The following CXXC5 variants were observed in gnomAD, a reference collection of about 807,000 sequenced individuals.
CXXC5 encodes the protein CXXC-type zinc finger protein 5.
In CXXC5, 2 loss-of-function variants were observed where a neutral mutation model predicts 17.6. The ratio of observed to expected loss-of-function variants is 0.11; its 90% CI spans 0.05 to 0.36. The LOEUF (loss-of-function observed/expected upper bound fraction) is 0.36. Ranked by LOEUF, CXXC5 falls within the 10% of genes least tolerant of loss-of-function variation. The pLI is 1.00. For missense variants in CXXC5, 343 were observed against 458.3 expected (o/e 0.75, Z 2.30); for synonymous variants, 171 against 193.0 (o/e 0.89, Z 0.94).
chr5:139,680,565 T>TAGCAGCAGC lies in CXXC5; in HGVS notation c.47_55dup (p.Ser16_Ser18dup), dbSNP rs761988594. On this transcript the variant is annotated inframe_insertion, in exon 2 of 3. Transcript: ENST00000302517. ...GTGGCTCCCAGGATGCCGGCGGCAG[T>TAGCAGCAGC]AGCAGCAGCAGCACCAATGGCAGCG... 5 of 1,588,262 alleles carry TAGCAGCAGC rather than the reference T, an allele frequency of 3.1e-6. No individual in the cohort carries two copies. In the East Asian group the frequency reaches 9.4e-5, roughly 30 times the overall value.
rs1755089044 is a variant in CXXC5 at position 139,650,188 on chromosome 5, G to A, written c.-161+1343G>A. Among the ~76,000 whole-genome samples, 4 of 152,184 alleles carry A rather than the reference G, an allele frequency of 2.6e-5. No homozygotes were observed. The South Asian group carries it at 8.3e-4, about 32-fold the overall frequency. ...TGGGGGGTTCTGTAGTGACTCATTC[G>A]GAAAGACCCGCTCCCTGAAGTCTCC... On this transcript the variant is annotated intron_variant, in intron 1 of 2. Transcript: ENST00000302517.
intron 1 of CXXC5, among the ~76,000 whole-genome samples, chr5:139,650,334 C>T (rs1220425010): frequency 1.3e-5 from 2 of 152,204 alleles, no homozygotes; most frequent in Non-Finnish European, 2.9e-5. Context: ...GGACCAGACT[C>T]CTGACCCCCA....
At chr5:139,652,155 CGCGCGCGCGCGCGCGCGT>C (rs1391790789) in intron 1 of CXXC5, among the ~76,000 whole-genome samples, 3 of 76,992 alleles carry the variant, frequency 3.9e-5, no homozygotes, top group East Asian at 2.7e-4. Context: ...CCGGCGCGCG[CGCGCGCGCGCGCGCGCGT>C]GTGTGTGTGT....
At chr5:139,675,563 A>T (rs1756736541) in intron 1 of CXXC5, 1 of 152,188 alleles carries the variant, frequency 6.6e-6, no homozygotes. Flanking sequence ...GAGTGAGAGC[A>T]GCCTTAGGGG....
At chr5:139,673,923 A>G (rs1756630877) in intron 1 of CXXC5, among the ~76,000 whole-genome samples, 1 of 151,538 alleles carries the variant, frequency 6.6e-6, no homozygotes, top group African/African-American at 2.4e-5. Context: ...AGGCCAAGGC[A>G]TGGTTGGCAC....
intron 1 of CXXC5, among the ~76,000 whole-genome samples, chr5:139,679,204 A>G (rs1463789062): frequency 6.6e-6 from 1 of 152,014 alleles, no homozygotes; most frequent in Admixed American, 6.6e-5. Flanking sequence ...CCCAGGCCCT[A>G]CTCTGCAGGC....
At chr5:139,681,849 T>G (rs2126831726) in intron 2 of CXXC5, among the ~76,000 whole-genome samples, 1 of 152,298 alleles carries the variant, frequency 6.6e-6, no homozygotes, top group South Asian at 2.1e-4. Context: ...CTGCCCTGTT[T>G]AAGGGATTCT....
At chr5:139,672,219 G>T (rs1025186518) in intron 1 of CXXC5, among the ~76,000 whole-genome samples, 1 of 152,176 alleles carries the variant, frequency 6.6e-6, no homozygotes, top group Non-Finnish European at 1.5e-5. Context: ...CCAGGTTCAG[G>T]CAATTCTCCT....
intron 1 of CXXC5, among the ~76,000 whole-genome samples, chr5:139,660,311 A>C (rs1755723736): frequency 6.6e-6 from 1 of 152,188 alleles, no homozygotes; most frequent in Non-Finnish European, 1.5e-5. Flanking sequence ...TGTGGCCTCC[A>C]GGAAATAGCA....
intron 1 of CXXC5, chr5:139,649,285 C>CA (rs1481081721): frequency 2.6e-5 from 4 of 152,406 alleles, no homozygotes; most frequent in Non-Finnish European, 4.4e-5. Context: ...CCCTCCCCCC[C>CA]ACTACTCCAG....
rs1003906564 is a variant in CXXC5 at position 139,663,928 on chromosome 5, G to T, written c.-161+15083G>T. 6.6e-6 allele frequency among the ~76,000 whole-genome samples: 1 copy of T among 152,194 alleles called. No individual in the cohort carries two copies. Among genetic ancestry groups the T allele is most frequent in the Non-Finnish European group, 1.5e-5 (1 of 68,028 alleles). On this transcript the variant is annotated intron_variant, in intron 1 of 2. Coordinates refer to ENST00000302517, the MANE Select transcript of CXXC5 (RefSeq NM_016463.9). This position sits in a 1 kb window ranked among gnomAD's most constrained non-coding sequence, Gnocchi z 4.2. ...AACCTGTCTGAGGTCACCTAGGCTG[G>T]AGGCTGCAGAGCTAGGAGAGGAATC... is the stretch of plus-strand genomic sequence containing the variant.
At chr5:139,676,907 A>G (rs987789591) in intron 1 of CXXC5, among the ~76,000 whole-genome samples, 2 of 150,328 alleles carry the variant, frequency 1.3e-5, no homozygotes, top group Admixed American at 1.3e-4. Context: ...CTGTCTCATG[A>G]TTCTGTCCCC....
intron 2 of CXXC5, 37 bp downstream of exon 2, chr5:139,681,484 T>C (rs762919089): frequency 1.3e-6 from 2 of 1,528,496 alleles, no homozygotes; most frequent in Non-Finnish European, 1.8e-6. Context: ...TGGGCTCTTG[T>C]GTCTGTCTGG....
chr5:139,660,618 G>A, intron 1 of CXXC5, among the ~76,000 whole-genome samples: 1 of 152,102 alleles, frequency 6.6e-6, no homozygotes. Context: ...CGTAGCTTGA[G>A]AGCCCAGAGA....
Position 139,663,719 on chromosome 5 carries a change from G to A in CXXC5, c.-161+14874G>A, listed in dbSNP as rs957739209. On this transcript the variant is annotated intron_variant, in intron 1 of 2. Transcript: ENST00000302517. This position sits in a 1 kb window ranked among gnomAD's most constrained non-coding sequence, Gnocchi z 4.2. ...ACGCCTGGCCTGACTTGTCCGTGAC[G>A]TTCACACTTATGCTGGCAGATGTGG... 6.6e-6 allele frequency among the ~76,000 whole-genome samples: 1 copy of A among 152,184 alleles called. No homozygotes were observed. Among genetic ancestry groups the A allele is most frequent in the Admixed American group, 6.5e-5 (1 of 15,274 alleles).
rs1207820997 is a variant in CXXC5 at position 139,681,055 on chromosome 5, G to C, written c.532G>C (p.Glu178Gln). The C allele has an allele frequency of 6.2e-7, 1 of 1,611,744 alleles. No individual in the cohort carries two copies. The highest frequency in any genetic ancestry group is 2.2e-5 in the East Asian group (1 of 44,882). Reference protein sequence around the residue: ...STEMLKRVVQEHLPLMSEAGA... With the variant: ...STEMLKRVVQQHLPLMSEAGA... ...AGAGATGCTGAAGCGCGTGGTGCAG[G>C]AGCATCTCCCGCTGATGAGCGAGGC... The change falls in exon 2 of 3, where the codon GAG (glutamate) becomes CAG (glutamine). Residue 178 changes from glutamate (E) to glutamine (Q), a missense_variant. Around this residue, in one of 4 missense-constraint regions of CXXC5, gnomAD observed 297 missense variants for 363.4 expected, o/e 0.82. Coordinates refer to ENST00000302517, the MANE Select transcript of CXXC5 (RefSeq NM_016463.9).
chr5:139,678,525 G>A (rs1267734706), intron 1 of CXXC5, among the ~76,000 whole-genome samples: 1 of 152,188 alleles, frequency 6.6e-6, no homozygotes, highest in Non-Finnish European at 1.5e-5. Context: ...GGAGGGACAG[G>A]GAGTATCTGA....
intron 1 of CXXC5, among the ~76,000 whole-genome samples, chr5:139,673,049 T>G (rs951513096): frequency 3.3e-5 from 5 of 152,148 alleles, no homozygotes; most frequent in African/African-American, 1.2e-4. Flanking sequence ...GGGCCTGATT[T>G]CTGATTGGTG....
chr5:139,654,125 T>G (rs1307822750), intron 1 of CXXC5, among the ~76,000 whole-genome samples: 1 of 152,192 alleles, frequency 6.6e-6, no homozygotes, highest in African/African-American at 2.4e-5. Context: ...CTACAGGCTC[T>G]GCCCCTCTCC....
Sources: allele counts gnomAD v4.1 joint callset (sites outside exome capture counted in the v4.1 genomes callset), GRCh38; gene constraint gnomAD v4.1.1; regional missense constraint gnomAD v4.1.1; non-coding constraint Gnocchi (gnomAD v3.1); transcripts MANE v1.5; gene names NCBI Gene and HGNC (gene_info 2026-07-23, HGNC 2026-07-21).